Variants in TTC3 observed in about 807,000 individuals in gnomAD.
TTC3 encodes tetratricopeptide repeat domain 3, also known as E3 ubiquitin-protein ligase TTC3.
In TTC3, 180 loss-of-function variants were observed where a neutral mutation model predicts 249.6. That is an observed-to-expected ratio of 0.72 (90% CI 0.64 to 0.82). TTC3 has a LOEUF of 0.82. Among genes scored for constraint, TTC3 ranks in the 40% least tolerant of loss-of-function variants. The pLI, the probability that TTC3 is intolerant of heterozygous loss-of-function variation, is 0.00. For synonymous variants in TTC3, 717 were observed against 805.0 expected, an observed-to-expected ratio of 0.89 and a Z score of 1.85; for missense variants, 2,061 against 2,398.4, an observed-to-expected ratio of 0.86 and a Z score of 2.94.
At chr21:37,111,787 G>A (rs908354199) in intron 11 of TTC3, among the ~76,000 whole-genome samples, 24 of 152,094 alleles carry the variant, frequency 1.6e-4, no homozygotes, top group South Asian at 6.2e-4. Flanking sequence ...AAAATTGACC[G>A]CATAGTTGGA....
At chr21:37,094,145 C>A in intron 8 of TTC3, 55 bp downstream of exon 8, 1 of 1,039,394 alleles carries the variant, frequency 9.6e-7, no homozygotes, top group South Asian at 1.9e-5. Context: ...AACTTTTTAA[C>A]ACTCAGAGGA....
chr21:37,200,249 C>T, exon 45 of TTC3: 1 of 1,614,124 alleles, frequency 6.2e-7, no homozygotes, highest in East Asian at 2.2e-5. Context: ...GTGCAAGTTC[C>T]TGTGAAATAT....
At chr21:37,145,181 G>A (rs764304895) in intron 21 of TTC3, among the ~76,000 whole-genome samples, 3 of 152,298 alleles carry the variant, frequency 2.0e-5, no homozygotes, top group South Asian at 2.1e-4. Flanking sequence ...AAAGACTTAC[G>A]TGTGAAATGA....
chr21:37,150,847 G>T, exon 25 of TTC3: 1 of 1,611,374 alleles, frequency 6.2e-7, no homozygotes, highest in Non-Finnish European at 8.5e-7. Context: ...AAAAGAAAAG[G>T]TTCCTCCAAG....
chr21:37,128,721 A>G (rs9985082), intron 15 of TTC3, among the ~76,000 whole-genome samples: 80,900 of 151,960 alleles, frequency 0.53, 22,163 homozygotes, highest in African/African-American at 0.64. Flanking sequence ...CCATCTGATT[A>G]TAAACTGAGA....
chr21:37,123,121 A>G, intron 13 of TTC3, 93 bp downstream of exon 13: 1 of 1,306,074 alleles, frequency 7.7e-7, no homozygotes, highest in South Asian at 1.2e-5. Context: ...TTAGGAGCTA[A>G]TAGCAACCAC....
Position 37,182,840 on chromosome 21 carries a change from GA to G in TTC3, c.4692del (p.Glu1565LysfsTer6), listed in dbSNP as rs778730652. The stretch of plus-strand genomic sequence containing the variant: ...AAGAGAAATTAAAAAATGGCAACAG[GA>G]AAAAAAAGAAATCCAAGAAAGACTA... On this transcript the variant is annotated frameshift_variant, in exon 36 of 46. Transcript: ENST00000355666. LOFTEE classifies it high-confidence loss of function. 33 of 1,588,130 alleles carry G rather than the reference GA, an allele frequency of 2.1e-5. No individual in the cohort carries two copies. The highest frequency in any genetic ancestry group is 1.1e-4 in the African/African-American group (8 of 72,906).
chr21:37,187,967 G>A (rs2083489214), intron 38 of TTC3: 1 of 152,284 alleles, frequency 6.6e-6, no homozygotes, highest in Non-Finnish European at 1.5e-5. Flanking sequence ...GCTATTTAAT[G>A]GATCATTTGG....
chr21:37,196,877 T>TA (rs1268767889), intron 42 of TTC3, among the ~76,000 whole-genome samples: 1 of 152,194 alleles, frequency 6.6e-6, no homozygotes, highest in African/African-American at 2.4e-5. Context: ...AAGCTGCCCT[T>TA]ACCTGAGTGA....
chr21:37,188,238 A>G (rs780910546), intron 38 of TTC3: 6 of 336,498 alleles, frequency 1.8e-5, no homozygotes, highest in Non-Finnish European at 2.8e-5. Flanking sequence ...ATATAGCTTA[A>G]GCAGAAAGCC....
At chr21:37,094,968 T>C (rs1017151129) in intron 8 of TTC3, among the ~76,000 whole-genome samples, 2 of 152,060 alleles carry the variant, frequency 1.3e-5, no homozygotes, top group African/African-American at 4.8e-5. Context: ...ACCTGGTCTC[T>C]ACAAAAAATT....
intron 11 of TTC3, among the ~76,000 whole-genome samples, chr21:37,112,598 A>G (rs1417052689): frequency 6.6e-6 from 1 of 152,256 alleles, no homozygotes; most frequent in Non-Finnish European, 1.5e-5. Flanking sequence ...TCACAGCCGA[A>G]TTCTACCATA....
At chr21:37,101,387 T>G (rs1007885820) in intron 10 of TTC3, 4 of 145,586 alleles carry the variant, frequency 2.7e-5, no homozygotes, top group Non-Finnish European at 6.1e-5. Context: ...GTGTGTGTGT[T>G]GGTTTGGTGA....
intron 15 of TTC3, among the ~76,000 whole-genome samples, chr21:37,128,288 C>T (rs1001038436): frequency 6.6e-6 from 1 of 152,190 alleles, no homozygotes; most frequent in Non-Finnish European, 1.5e-5. Flanking sequence ...GCTCTCCCTG[C>T]CCAAAAATAT....
chr21:37,195,900 C>T (rs140969268), exon 42 of TTC3: 10 of 1,614,260 alleles, frequency 6.2e-6, no homozygotes, highest in African/African-American at 1.3e-5. Context: ...CCAGGCAGCT[C>T]TGTCAGAACG....
chr21:37,128,423 T>C (rs2077203752), intron 15 of TTC3, among the ~76,000 whole-genome samples: 2 of 152,222 alleles, frequency 1.3e-5, no homozygotes, highest in African/African-American at 2.4e-5. Context: ...TCCACCCTTT[T>C]TGAGGTCTTG....
intron 28 of TTC3, among the ~76,000 whole-genome samples, chr21:37,157,956 A>C (rs1016578623): frequency 6.6e-6 from 1 of 152,234 alleles, no homozygotes; most frequent in African/African-American, 2.4e-5. Context: ...GTTAGGAGTT[A>C]GACTTTTAAA....
At chr21:37,104,782 G>A (rs750749943) in intron 10 of TTC3, among the ~76,000 whole-genome samples, 12 of 152,078 alleles carry the variant, frequency 7.9e-5, no homozygotes, top group Non-Finnish European at 1.6e-4. Flanking sequence ...TTCTCAACCT[G>A]GACTGCACTT....
In TTC3 at chr21:37,103,271, T is replaced by C. The variant is rs137879050; in HGVS notation, c.846-5121T>C. ...GGCTGGAGAAATAAAAACACTTCCC[T>C]ATGTAAGAGCAATAAGTTGGAGCAC... On this transcript the variant is annotated intron_variant, in intron 10 of 45. Transcript: ENST00000355666. Among the ~76,000 whole-genome samples, 223 of 152,328 alleles carry C rather than the reference T, an allele frequency of 1.5e-3. 2 individuals are homozygous for C. Among genetic ancestry groups the C allele is most frequent in the African/African-American group, 4.9e-3 (204 of 41,580 alleles).
Sources: gnomAD v4.1 joint callset for allele counts (sites outside exome capture counted in the v4.1 genomes callset) on GRCh38, gnomAD v4.1.1 for gene constraint, MANE v1.5 for transcripts, NCBI Gene and HGNC (gene_info 2026-07-23, HGNC 2026-07-21) for gene names.